The following GALNT16 variants were observed in gnomAD, a reference collection of about 807,000 sequenced individuals.
GALNT16 encodes UDP-GalNAc:polypeptide N-acetylgalactosaminyltransferase-like protein 1.
In GALNT16, 40 loss-of-function variants were observed where a neutral mutation model predicts 76.1. The ratio of observed to expected loss-of-function variants is 0.53; its 90% confidence interval spans 0.41 to 0.68. GALNT16 has a LOEUF of 0.68. GALNT16 is among the 30% of genes least tolerant of loss of function. GALNT16 has a pLI of 0.00. For missense variants in GALNT16, 621 were observed against 731.9 expected, an observed-to-expected ratio of 0.85 and a Z score of 1.75; for synonymous variants, 276 against 285.2, an observed-to-expected ratio of 0.97 and a Z score of 0.32.
chr14:69,341,186 G>T (rs1240691889), intron 11 of GALNT16, among the ~76,000 whole-genome samples: 1 of 152,170 alleles, frequency 6.6e-6, no homozygotes, highest in Non-Finnish European at 1.5e-5. Flanking sequence ...GGTGACGAGG[G>T]CCGTCAACCA....
chr14:69,380,329 A>T, the GALNT16 span: 4 of 145,060 alleles, frequency 2.8e-5, no homozygotes, highest in Non-Finnish European at 5.9e-5. Flanking sequence ...ATGTTTAAGT[A>T]AAAAAAAAAA....
intron 1 of GALNT16, among the ~76,000 whole-genome samples, chr14:69,275,213 G>A (rs1016094547): frequency 1.3e-4 from 20 of 151,800 alleles, no homozygotes; most frequent in African/African-American, 4.6e-4. Context: ...CCTGGGGAGA[G>A]CCCCTGCAAT....
chr14:69,316,385 C>T (rs1051883949), intron 1 of GALNT16, among the ~76,000 whole-genome samples: 10 of 152,176 alleles, frequency 6.6e-5, no homozygotes, highest in Non-Finnish European at 1.2e-4. Context: ...AAACAGAAAA[C>T]CCCTGCCCTA....
chr14:69,361,229 C>T (rs1266470525), downstream of GALNT16, among the ~76,000 whole-genome samples: 1 of 152,310 alleles, frequency 6.6e-6, no homozygotes, highest in East Asian at 1.9e-4. Flanking sequence ...ATGAGTACTC[C>T]ATTCAATGAC....
chr14:69,381,751 C>A, the GALNT16 span, among the ~76,000 whole-genome samples: 3 of 152,114 alleles, frequency 2.0e-5, no homozygotes, highest in African/African-American at 7.2e-5. Flanking sequence ...TGCAGTGGTG[C>A]CATCTTGGCT....
rs781066171 is a variant in GALNT16 at position 69,338,749 on chromosome 14, C to A, written c.1066C>A (p.Pro356Thr). 1 of 1,613,998 alleles carries A rather than the reference C, an allele frequency of 6.2e-7. No individual in the cohort carries two copies. ...CAGGAAACGGCACCCCTACAACTTC[C>A]CTGAGGGTAATGCCCTCACCTACAT... ...VFRKRHPYNF[P>T]EGNALTYIRN... Residue 356 changes from proline to threonine, a missense_variant, in exon 10 of 15, where the codon CCT becomes ACT. Transcript: ENST00000448469.
At chr14:69,262,183 T>C (rs2044283906) in intron 1 of GALNT16, among the ~76,000 whole-genome samples, 1 of 151,736 alleles carries the variant, frequency 6.6e-6, no homozygotes, top group Non-Finnish European at 1.5e-5. Context: ...GAGAAGAGGG[T>C]CTGAGTTGGA....
chr14:69,312,800 G>A (rs2045046752), intron 1 of GALNT16, among the ~76,000 whole-genome samples: 1 of 152,224 alleles, frequency 6.6e-6, no homozygotes, highest in Non-Finnish European at 1.5e-5. Flanking sequence ...GCGACCTCCA[G>A]CCTGAGCTTG....
chr14:69,356,302 G>A (rs1471012652), downstream of GALNT16: 1 of 152,158 alleles, frequency 6.6e-6, no homozygotes, highest in Non-Finnish European at 1.5e-5. Flanking sequence ...TGTGAAGCGT[G>A]GAGAAGAGTG....
At position 69,295,277 on chromosome 14, in the gene GALNT16, T is replaced by C. The variant is rs139406903; in HGVS notation, c.178-25434T>C. ...AAAAATACAAAAGATTAGCTGGGTG[T>C]GGTGGCGCATGCCTATAGTACCAGC... is the stretch of plus-strand genomic sequence containing the variant. On this transcript the variant is annotated intron_variant, in intron 1 of 14. Coordinates refer to ENST00000448469, the MANE Select transcript of GALNT16 (RefSeq NM_001168368.2). Among the ~76,000 whole-genome samples the C allele has an allele frequency of 4.8e-3, 720 of 151,120 alleles. 7 individuals are homozygous for C. The highest frequency in any genetic ancestry group is 0.017 in the African/African-American group (696 of 41,044).
chr14:69,318,916 C>A (rs564262007), intron 1 of GALNT16, among the ~76,000 whole-genome samples: 1 of 152,260 alleles, frequency 6.6e-6, no homozygotes, highest in African/African-American at 2.4e-5. Context: ...ATCCTTCTGG[C>A]GATCCAGGGC....
At chr14:69,308,561 GATTT>G (rs2044972992) in intron 1 of GALNT16, among the ~76,000 whole-genome samples, 1 of 152,030 alleles carries the variant, frequency 6.6e-6, no homozygotes, top group African/African-American at 2.4e-5. Context: ...TACTGATAGA[GATTT>G]ATTTCCACCA....
chr14:69,373,532 A>G, the GALNT16 span, among the ~76,000 whole-genome samples: 1 of 152,234 alleles, frequency 6.6e-6, no homozygotes, highest in South Asian at 2.1e-4. Context: ...TATAATTACA[A>G]AAAAGAAAGG....
chr14:69,315,294 A>T (rs17106899), intron 1 of GALNT16, among the ~76,000 whole-genome samples: 2 of 152,144 alleles, frequency 1.3e-5, no homozygotes, highest in Admixed American at 1.3e-4. Flanking sequence ...AACTTAAACC[A>T]TTTCAGATGT....
downstream of GALNT16, among the ~76,000 whole-genome samples, chr14:69,360,753 T>C (rs2140215052): frequency 6.6e-6 from 1 of 152,274 alleles, no homozygotes; most frequent in East Asian, 1.9e-4. Context: ...AATCAGAAAC[T>C]CTGGGGGTGG....
At chr14:69,325,687 T>C (rs2045272814) in intron 4 of GALNT16, among the ~76,000 whole-genome samples, 1 of 152,194 alleles carries the variant, frequency 6.6e-6, no homozygotes, top group South Asian at 2.1e-4. Context: ...AACTGCCAAA[T>C]GCAGATGATA....
In GALNT16 at chr14:69,261,408, C is replaced by G. The variant is rs945132041; in HGVS notation, c.177+941C>G. ...GGCACCCGCCGAGAGTGCGCTCGAG[C>G]GGGCGCATTCTTCCAGACGGGGGCG... On this transcript the variant is annotated intron_variant, in intron 1 of 14. Coordinates refer to ENST00000448469, the MANE Select transcript of GALNT16 (RefSeq NM_001168368.2). The surrounding 1 kb of genome is among the most constrained non-coding windows in gnomAD (Gnocchi z 6.4). Among the ~76,000 whole-genome samples, 2 of 152,254 alleles carry G rather than the reference C, an allele frequency of 1.3e-5. No homozygotes were observed. Among genetic ancestry groups the G allele is most frequent in the African/African-American group, 4.8e-5 (2 of 41,558 alleles).
At position 69,347,023 on chromosome 14, in the gene GALNT16, G is replaced by A; in HGVS notation, c.1272-17G>A. On this transcript the variant is annotated splice_polypyrimidine_tract_variant and intron_variant, in intron 12 of 14. Transcript: ENST00000448469. ...TGGGGGGGAAAGCACAAGCCTGACT[G>A]CTGCCTTTTCTCTCAGGGTCCCCGT... The A allele has an allele frequency of 6.2e-7, 1 of 1,614,014 alleles. No individual in the cohort carries two copies. The highest frequency in any genetic ancestry group is 8.5e-7 in the Non-Finnish European group (1 of 1,179,932).
At chr14:69,260,046 G>C, upstream of GALNT16, 1 of 445,564 alleles carries the variant, frequency 2.2e-6, no homozygotes, top group Non-Finnish European at 4.0e-6. Context: ...CCCTGCGCAC[G>C]AATGAATGGG....
Sources: allele counts gnomAD v4.1 joint callset (sites outside exome capture counted in the v4.1 genomes callset), GRCh38; gene constraint gnomAD v4.1.1; non-coding constraint Gnocchi (gnomAD v3.1); transcripts MANE v1.5; gene names NCBI Gene and HGNC (gene_info 2026-07-23, HGNC 2026-07-21).